The following PPM1L variants were observed in gnomAD, a reference collection of about 807,000 sequenced individuals.
The protein encoded by PPM1L is protein phosphatase, Mg2+/Mn2+ dependent 1L, also known as protein phosphatase 1L.
Under a neutral mutation model 31.4 loss-of-function variants are expected in PPM1L, and 13 were observed. The ratio of observed to expected loss-of-function variants is 0.41; its 90% CI spans 0.27 to 0.66. The LOEUF is 0.66. Among genes scored for constraint, PPM1L ranks in the 30% least tolerant of loss-of-function variants. The pLI, the probability that PPM1L is intolerant of heterozygous loss-of-function variation, is 0.29. For synonymous variants in PPM1L, 184 were observed against 175.4 expected, an observed-to-expected ratio of 1.05 and a Z score of -0.39; for missense variants, 326 against 453.7, an observed-to-expected ratio of 0.72 and a Z score of 2.56.
intron 1 of PPM1L, among the ~76,000 whole-genome samples, chr3:160,791,316 A>G (rs1028967881): frequency 1.3e-5 from 2 of 152,156 alleles, no homozygotes; most frequent in Non-Finnish European, 2.9e-5. Context: ...AACCTTTCCT[A>G]GTCTCTGTTT....
At chr3:160,829,633 T>C (rs1713459341) in intron 1 of PPM1L, among the ~76,000 whole-genome samples, 1 of 152,192 alleles carries the variant, frequency 6.6e-6, no homozygotes, top group African/African-American at 2.4e-5. Flanking sequence ...TCTGTTTCCT[T>C]CTTGCCTCAC....
chr3:161,000,219 T>C (rs1717440113), intron 2 of PPM1L, among the ~76,000 whole-genome samples: 1 of 152,170 alleles, frequency 6.6e-6, no homozygotes, highest in Admixed American at 6.5e-5. Flanking sequence ...TTAGGTGATA[T>C]AAATTTGATA....
chr3:160,991,810 A>G (rs1213090133), intron 2 of PPM1L, among the ~76,000 whole-genome samples: 1 of 152,210 alleles, frequency 6.6e-6, no homozygotes, highest in East Asian at 1.9e-4. Context: ...ATCTCATTAT[A>G]CTGCATTCTG....
chr3:160,963,173 C>T (rs1332211345), intron 2 of PPM1L, among the ~76,000 whole-genome samples: 1 of 151,962 alleles, frequency 6.6e-6, no homozygotes, highest in Non-Finnish European at 1.5e-5. Flanking sequence ...ATAGTCCGCC[C>T]ACTTCTTGCC....
At chr3:160,967,859 A>T (rs76987873) in intron 2 of PPM1L, among the ~76,000 whole-genome samples, 2 of 152,030 alleles carry the variant, frequency 1.3e-5, no homozygotes, top group African/African-American at 4.8e-5. Context: ...CCATTTTCCT[A>T]TAAACTGATG....
intron 2 of PPM1L, among the ~76,000 whole-genome samples, chr3:161,059,007 A>T (rs1190522504): frequency 6.6e-6 from 1 of 152,184 alleles, no homozygotes; most frequent in Admixed American, 6.5e-5. Flanking sequence ...TCCAGAAATT[A>T]AATCAGAGGG....
intron 1 of PPM1L, among the ~76,000 whole-genome samples, chr3:160,814,571 G>GTGTATATATA (rs1232559883): frequency 1.0e-5 from 1 of 99,288 alleles, no homozygotes; most frequent in Non-Finnish European, 2.1e-5. Flanking sequence ...ATGTATGTAT[G>GTGTATATATA]TGTATATATA....
At chr3:160,852,629 A>C (rs1711560446) in intron 1 of PPM1L, among the ~76,000 whole-genome samples, 1 of 152,204 alleles carries the variant, frequency 6.6e-6, no homozygotes, top group African/African-American at 2.4e-5. Flanking sequence ...TAAGTAAATG[A>C]AGTTAATTTA....
intron 1 of PPM1L, among the ~76,000 whole-genome samples, chr3:160,881,632 C>T (rs1296952820): frequency 1.3e-5 from 2 of 152,096 alleles, no homozygotes; most frequent in Non-Finnish European, 2.9e-5. Flanking sequence ...ACTATTCTCC[C>T]TGGTGTTTTA....
At chr3:161,020,251 G>T (rs1718204502) in intron 2 of PPM1L, among the ~76,000 whole-genome samples, 1 of 151,902 alleles carries the variant, frequency 6.6e-6, no homozygotes, top group East Asian at 1.9e-4. Context: ...GAACCCTCGT[G>T]TAGGCAAATT....
At chr3:160,997,138 C>T (rs142790879) in intron 2 of PPM1L, among the ~76,000 whole-genome samples, 253 of 152,108 alleles carry the variant, frequency 1.7e-3, no homozygotes, top group African/African-American at 6.0e-3. Context: ...ATTTTTCAAA[C>T]AAAGATTTCT....
intron 1 of PPM1L, among the ~76,000 whole-genome samples, chr3:160,816,702 T>G (rs538590378): frequency 6.6e-6 from 1 of 152,152 alleles, no homozygotes; most frequent in South Asian, 2.1e-4. Flanking sequence ...CTGGAAGAAG[T>G]TATGTTTATG....
At chr3:160,763,192 C>T (rs1715015595) in intron 1 of PPM1L, among the ~76,000 whole-genome samples, 1 of 152,210 alleles carries the variant, frequency 6.6e-6, no homozygotes, top group Admixed American at 6.5e-5. Context: ...AGCAAGGCAG[C>T]CTGCTTGCTC....
intron 2 of PPM1L, among the ~76,000 whole-genome samples, chr3:161,001,733 A>G (rs2108052265): frequency 1.3e-5 from 2 of 152,122 alleles, no homozygotes; most frequent in South Asian, 2.1e-4. Flanking sequence ...TCTCCATCCT[A>G]TTAGGATTAG....
chr3:160,967,759 T>C (rs917020536), intron 2 of PPM1L, among the ~76,000 whole-genome samples: 5 of 152,240 alleles, frequency 3.3e-5, no homozygotes, highest in African/African-American at 1.2e-4. Context: ...AAAGAAAACT[T>C]GGAACCAAAA....
chr3:160,863,738 C>G (rs543285596), intron 1 of PPM1L, among the ~76,000 whole-genome samples: 1 of 152,222 alleles, frequency 6.6e-6, no homozygotes, highest in South Asian at 2.1e-4. Context: ...CACAAATAGC[C>G]TAGTTCTTCA....
At chr3:161,061,178 C>T (rs905770130) in intron 2 of PPM1L, among the ~76,000 whole-genome samples, 10 of 151,022 alleles carry the variant, frequency 6.6e-5, no homozygotes, top group Non-Finnish European at 1.0e-4. Context: ...AGCCTCCCAC[C>T]CCAGTGCTCA....
intron 1 of PPM1L, among the ~76,000 whole-genome samples, chr3:160,888,002 T>C (rs6791327): frequency 0.75 from 114,118 of 152,048 alleles, 43,191 homozygotes; most frequent in Middle Eastern, 0.83. Context: ...TCATTATCAC[T>C]AGGCCTGCCT....
chr3:160,945,632 C>G (rs1408850234), intron 1 of PPM1L, among the ~76,000 whole-genome samples: 1 of 152,114 alleles, frequency 6.6e-6, no homozygotes, highest in Non-Finnish European at 1.5e-5. Context: ...TGCCAAGAAA[C>G]TCAGAGTTAC....
Sources: gnomAD v4.1 joint callset for allele counts (sites outside exome capture counted in the v4.1 genomes callset) on GRCh38, gnomAD v4.1.1 for gene constraint, MANE v1.5 for transcripts, NCBI Gene and HGNC (gene_info 2026-07-23, HGNC 2026-07-21) for gene names.